Variants in USP14 observed in about 807,000 individuals in gnomAD.
USP14 encodes ubiquitin specific peptidase 14.
A neutral mutation model predicts 76.5 loss-of-function variants in USP14; 38 were observed. The ratio of observed to expected loss-of-function variants is 0.50; its 90% CI spans 0.38 to 0.65. USP14 has a LOEUF of 0.65. USP14 is among the 30% of genes least tolerant of loss of function. The pLI, the probability that USP14 is intolerant of heterozygous loss-of-function variation, is 0.00. For synonymous variants in USP14, 192 were observed against 191.7 expected (o/e 1.00, Z -0.01); for missense variants, 467 against 586.5 (o/e 0.80, Z 2.10).
At chr18:190,389 C>G (rs1301156841) in intron 5 of USP14, among the ~76,000 whole-genome samples, 1 of 152,080 alleles carries the variant, frequency 6.6e-6, no homozygotes, top group Non-Finnish European at 1.5e-5. Flanking sequence ...GTTTTGCCAA[C>G]CAGTTTCAAA....
chr18:193,601 C>T (rs1399808996), intron 6 of USP14, among the ~76,000 whole-genome samples: 1 of 152,166 alleles, frequency 6.6e-6, no homozygotes, highest in African/African-American at 2.4e-5. Flanking sequence ...CCTCCTTTCC[C>T]ATTTCTAGCC....
At chr18:204,797 A>G (rs1910483216) in intron 13 of USP14, 105 bp downstream of exon 13, 3 of 1,287,756 alleles carry the variant, frequency 2.3e-6, no homozygotes, top group South Asian at 2.8e-5. Flanking sequence ...CTTCAGAACT[A>G]TACTTTGTAT....
intron 2 of USP14, among the ~76,000 whole-genome samples, chr18:164,075 G>A (rs1233602747): frequency 1.3e-5 from 2 of 152,288 alleles, no homozygotes; most frequent in East Asian, 1.9e-4. Context: ...ATTTTAAAAT[G>A]TGTTGTATTA....
At chr18:198,526 T>A (rs763291839) in intron 9 of USP14, among the ~76,000 whole-genome samples, 1 of 152,122 alleles carries the variant, frequency 6.6e-6, no homozygotes, top group Non-Finnish European at 1.5e-5. Flanking sequence ...GCCCAGAGGT[T>A]TTTATACCTA....
intron 3 of USP14, among the ~76,000 whole-genome samples, chr18:171,512 A>G (rs929957892): frequency 1.3e-5 from 2 of 152,194 alleles, no homozygotes; most frequent in African/African-American, 4.8e-5. Flanking sequence ...TTTTAAGGCC[A>G]CCATTGAGAC....
intron 8 of USP14, 92 bp from the exon 9 acceptor site, chr18:197,955 T>A (rs957174108): frequency 2.1e-5 from 24 of 1,139,152 alleles, no homozygotes; most frequent in Middle Eastern, 2.7e-4. Context: ...ACTACATTTT[T>A]AAAAAAATAT....
intron 3 of USP14, among the ~76,000 whole-genome samples, chr18:178,058 C>T (rs1373829968): frequency 3.3e-5 from 5 of 152,108 alleles, no homozygotes; most frequent in African/African-American, 4.8e-5. Context: ...CTCCCTCTGT[C>T]GCGCAGGCTG....
chr18:177,769 A>T (rs987207634), intron 3 of USP14, among the ~76,000 whole-genome samples: 3 of 152,090 alleles, frequency 2.0e-5, no homozygotes, highest in Non-Finnish European at 2.9e-5. Context: ...TTACAATGAC[A>T]GTGTCTTCCT....
chr18:188,455 T>C (rs1403568022), intron 5 of USP14, among the ~76,000 whole-genome samples: 2 of 151,914 alleles, frequency 1.3e-5, no homozygotes, highest in African/African-American at 4.8e-5. Flanking sequence ...AAAAGGATTT[T>C]TTGGGGTCAT....
At chr18:184,865 CA>C (rs1211395856) in intron 5 of USP14, among the ~76,000 whole-genome samples, 1 of 152,130 alleles carries the variant, frequency 6.6e-6, no homozygotes, top group African/African-American at 2.4e-5. Flanking sequence ...GCTTAAGAGG[CA>C]GTAAGGATCA....
intron 10 of USP14, among the ~76,000 whole-genome samples, chr18:200,634 G>A (rs1183229538): frequency 1.3e-5 from 2 of 152,040 alleles, no homozygotes; most frequent in East Asian, 1.9e-4. Flanking sequence ...TAAAACATAC[G>A]GTTTTGCTTG....
chr18:166,336 T>A (rs1189876311), intron 2 of USP14, among the ~76,000 whole-genome samples: 4 of 151,934 alleles, frequency 2.6e-5, no homozygotes, highest in African/African-American at 4.9e-5. Context: ...TTAAAAAAAA[T>A]TTTTGTTTTT....
chr18:194,073 C>CT (rs1345279413), intron 6 of USP14, among the ~76,000 whole-genome samples: 1 of 152,210 alleles, frequency 6.6e-6, no homozygotes, highest in Non-Finnish European at 1.5e-5. Flanking sequence ...TCTGATTTCT[C>CT]TGTCTCCTTA....
chr18:160,685 C>A (rs1397644340), intron 1 of USP14, among the ~76,000 whole-genome samples: 1 of 152,218 alleles, frequency 6.6e-6, no homozygotes, highest in Non-Finnish European at 1.5e-5. Context: ...CAATAAATTT[C>A]AGGTAGGTTC....
intron 5 of USP14, among the ~76,000 whole-genome samples, chr18:181,371 G>A (rs1437506734): frequency 3.3e-5 from 5 of 152,124 alleles, no homozygotes; most frequent in East Asian, 3.9e-4. Context: ...GCCATCTAGC[G>A]CTATGAAGTG....
chr18:197,730 G>C, intron 8 of USP14, 34 bp downstream of exon 8: 1 of 1,529,614 alleles, frequency 6.5e-7, no homozygotes, highest in South Asian at 1.2e-5. Context: ...ATAGACTTTC[G>C]TTATACCTTG....
chr18:171,284 G>T (rs1420096410), intron 3 of USP14, among the ~76,000 whole-genome samples: 1 of 151,988 alleles, frequency 6.6e-6, no homozygotes, highest in African/African-American at 2.4e-5. Flanking sequence ...TTCATAGCTA[G>T]AGAGGAGAAG....
intron 5 of USP14, among the ~76,000 whole-genome samples, chr18:189,308 A>G (rs1314835174): frequency 2.0e-5 from 3 of 151,628 alleles, no homozygotes; most frequent in Non-Finnish European, 2.9e-5. Flanking sequence ...TTTATTGTCT[A>G]TTTTCTAACT....
chr18:178,257 T>C (rs1909684896), intron 3 of USP14, among the ~76,000 whole-genome samples: 1 of 152,112 alleles, frequency 6.6e-6, no homozygotes, highest in Admixed American at 6.6e-5. Flanking sequence ...ACTCCAACCA[T>C]CCACTAGCCT....
Sources: allele counts gnomAD v4.1 joint callset (sites outside exome capture counted in the v4.1 genomes callset), GRCh38; gene constraint gnomAD v4.1.1; transcripts MANE v1.5; gene names NCBI Gene and HGNC (gene_info 2026-07-23, HGNC 2026-07-21).